Variants in PDZD8 observed in about 807,000 individuals in gnomAD.
PDZD8 encodes PDZ domain containing 8.
In PDZD8, 14 loss-of-function variants were observed where a neutral mutation model predicts 85.8. That is an observed-to-expected ratio of 0.16 (90% CI 0.11 to 0.26). The LOEUF is 0.26. Ranked by LOEUF, PDZD8 falls within the 10% of genes least tolerant of loss-of-function variation. PDZD8 has a pLI of 1.00. For synonymous variants in PDZD8, 592 were observed against 568.6 expected, an observed-to-expected ratio of 1.04 and a Z score of -0.59; for missense variants, 1,197 against 1,424.3, an observed-to-expected ratio of 0.84 and a Z score of 2.57.
chr10:117,367,954 C>T (rs1845118811), intron 1 of PDZD8, among the ~76,000 whole-genome samples: 1 of 151,940 alleles, frequency 6.6e-6, no homozygotes, highest in East Asian at 1.9e-4. Context: ...TACGGTACCA[C>T]AGTAATCAGG....
intron 1 of PDZD8, among the ~76,000 whole-genome samples, chr10:117,351,604 T>C (rs1297353642): frequency 6.6e-6 from 1 of 152,216 alleles, no homozygotes; most frequent in Non-Finnish European, 1.5e-5. Context: ...GTTCACTTTG[T>C]AGACATTCAT....
At chr10:117,294,961 G>A (rs1347484189) in intron 3 of PDZD8, among the ~76,000 whole-genome samples, 1 of 152,092 alleles carries the variant, frequency 6.6e-6, no homozygotes, top group Non-Finnish European at 1.5e-5. Flanking sequence ...AGTTAATAAT[G>A]TATTGTATAT....
In PDZD8 at chr10:117,304,602, G is replaced by C. The variant is rs112787571; in HGVS notation, c.1099-14254C>G. ...CTCCACCCAATTCTCATCTTGAATTGTATCTCCAAGAATTCCCATGTGTTG... is the reference window on the plus strand; with the variant it reads ...CTCCACCCAATTCTCATCTTGAATTCTATCTCCAAGAATTCCCATGTGTTG... On this transcript the variant is annotated intron_variant, in intron 3 of 4. Coordinates refer to ENST00000334464, the MANE Select transcript of PDZD8 (RefSeq NM_173791.5). 4.8e-3 allele frequency among the ~76,000 whole-genome samples: 725 copies of C among 152,258 alleles called. 11 individuals carry two copies. Among genetic ancestry groups the C allele is most frequent in the African/African-American group, 0.017 (697 of 41,560 alleles).
In PDZD8 at chr10:117,278,770, A is replaced by G. The variant is rs1029113741; in HGVS notation, c.*4498T>C. ...GAAGCTTTTCTGTGGGGCTTCGATT[A>G]TTTCAAGTCTGGTTTCTAAGTGCAG... On this transcript the variant is annotated 3_prime_UTR_variant, in exon 5 of 5. Coordinates refer to ENST00000334464, the MANE Select transcript of PDZD8 (RefSeq NM_173791.5). 6.6e-6 allele frequency: 1 copy of G among 152,188 alleles called. No individual in the cohort carries two copies. Among genetic ancestry groups the G allele is most frequent in the Non-Finnish European group, 1.5e-5 (1 of 68,026 alleles). 9.4% of individuals were successfully genotyped at this position (152,188 alleles called of 1,614,324 possible). A position where few individuals can be genotyped will look rare whatever the true frequency, so the allele number is the denominator to read the frequency against.
intron 2 of PDZD8, among the ~76,000 whole-genome samples, chr10:117,335,712 TA>T (rs1213969162): frequency 6.6e-6 from 1 of 152,216 alleles, no homozygotes; most frequent in African/African-American, 2.4e-5. Context: ...AAAACAAGTC[TA>T]AATAATTTAA....
At chr10:117,337,407 CAAAAA>C (rs903963483) in intron 2 of PDZD8, among the ~76,000 whole-genome samples, 3 of 152,062 alleles carry the variant, frequency 2.0e-5, no homozygotes, top group Non-Finnish European at 4.4e-5. Context: ...TTCATCAACT[CAAAAA>C]AACATGCAAT....
chr10:117,277,872 C>T lies in PDZD8; in HGVS notation c.*5396G>A, dbSNP rs944454570. 6.6e-6 allele frequency: 1 copy of T among 152,184 alleles called. No homozygotes were observed. Among genetic ancestry groups the T allele is most frequent in the African/African-American group, 2.4e-5 (1 of 41,456 alleles). The allele number at this position is 152,184 out of a possible 1,614,324, so 9.4% of individuals were successfully genotyped here. On this transcript the variant is annotated 3_prime_UTR_variant, in exon 5 of 5. Transcript: ENST00000334464. ...ATAAATCTTAGCTGGCATTAGTTTTCTATGTAATCACCTACCTAGAGAGAG... is the reference window on the plus strand; with the variant it reads ...ATAAATCTTAGCTGGCATTAGTTTTTTATGTAATCACCTACCTAGAGAGAG...
rs1845284981 is a variant in PDZD8, at chr10:117,375,296, C to A, written c.-69G>T. ...CGCCGCTTTCTTCACGCCGCCGCCC[C>A]CGCTGCCTCCATTTTGAGGACATCG... On this transcript the variant is annotated 5_prime_UTR_variant, in exon 1 of 5. Coordinates refer to ENST00000334464, the MANE Select transcript of PDZD8 (RefSeq NM_173791.5). 12 of 1,355,350 alleles carry A rather than the reference C, an allele frequency of 8.9e-6. No individual in the cohort carries two copies. The highest frequency in any genetic ancestry group is 1.2e-5 in the Non-Finnish European group (12 of 1,035,052). 84.0% of individuals were successfully genotyped at this position (1,355,350 alleles called of 1,614,324 possible). A position where few individuals can be genotyped will look rare whatever the true frequency, so the allele number is the denominator to read the frequency against.
chr10:117,306,208 G>A (rs1315533655), intron 3 of PDZD8, among the ~76,000 whole-genome samples: 1 of 152,090 alleles, frequency 6.6e-6, no homozygotes, highest in Non-Finnish European at 1.5e-5. Context: ...TCATCTAAGA[G>A]ACAACAAAGA....
chr10:117,329,506 C>T (rs1025316641), intron 2 of PDZD8, among the ~76,000 whole-genome samples: 1 of 151,974 alleles, frequency 6.6e-6, no homozygotes, highest in Non-Finnish European at 1.5e-5. Flanking sequence ...TTGGCGATGA[C>T]GTTGAGCAGT....
In PDZD8 at chr10:117,374,332, C is replaced by A. The variant is rs191667399; in HGVS notation, c.872+24G>T. 4.3e-3 allele frequency: 6,951 copies of A among 1,606,424 alleles called. 26 individuals carry two copies. Among genetic ancestry groups the A allele is most frequent in the Non-Finnish European group, 5.0e-3 (5,907 of 1,174,820 alleles). ...CAGGCCCGGGTTCCCGGCAGCCAGG[C>A]CCCCTCCCCGACCTCCAGCTCACCT... On this transcript the variant is annotated intron_variant, in intron 1 of 4. Coordinates refer to ENST00000334464, the MANE Select transcript of PDZD8 (RefSeq NM_173791.5). The surrounding 1 kb of genome is among the most constrained non-coding windows in gnomAD (Gnocchi z 7.8).
chr10:117,305,224 C>T (rs1474316200), intron 3 of PDZD8, among the ~76,000 whole-genome samples: 5 of 151,950 alleles, frequency 3.3e-5, no homozygotes, highest in Admixed American at 3.3e-4. Context: ...ACCAGCCTGG[C>T]CAATATGCTA....
chr10:117,351,005 T>C (rs1206896046), intron 1 of PDZD8, among the ~76,000 whole-genome samples: 1 of 152,188 alleles, frequency 6.6e-6, no homozygotes, highest in Non-Finnish European at 1.5e-5. Context: ...TCATAAGTTC[T>C]TCTGTTTTGA....
intron 3 of PDZD8, among the ~76,000 whole-genome samples, chr10:117,300,772 G>A (rs534187325): frequency 5.3e-5 from 8 of 152,108 alleles, no homozygotes; most frequent in Non-Finnish European, 1.2e-4. Context: ...AAAGAAGCCT[G>A]AGAGAACACC....
intron 1 of PDZD8, among the ~76,000 whole-genome samples, chr10:117,361,102 A>G (rs1404826868): frequency 6.6e-6 from 1 of 152,204 alleles, no homozygotes; most frequent in East Asian, 1.9e-4. Flanking sequence ...GCGAGAGAAC[A>G]AGGGTGAGAA....
chr10:117,345,258 C>T (rs1381652578), intron 1 of PDZD8, among the ~76,000 whole-genome samples: 2 of 152,084 alleles, frequency 1.3e-5, no homozygotes, highest in East Asian at 3.9e-4. Context: ...ACATGTCTTC[C>T]TTCATGGATT....
At chr10:117,366,875 T>C (rs1016931144) in intron 1 of PDZD8, among the ~76,000 whole-genome samples, 1 of 152,188 alleles carries the variant, frequency 6.6e-6, no homozygotes, top group African/African-American at 2.4e-5. Context: ...GTTTTAACTA[T>C]TGAGATTGCA....
chr10:117,295,460 A>G (rs1280751912), intron 3 of PDZD8, among the ~76,000 whole-genome samples: 1 of 151,478 alleles, frequency 6.6e-6, no homozygotes, highest in East Asian at 2.0e-4. Flanking sequence ...GGTTATATCA[A>G]TTATATACAT....
At chr10:117,359,103 A>G (rs917900545) in intron 1 of PDZD8, among the ~76,000 whole-genome samples, 1 of 152,062 alleles carries the variant, frequency 6.6e-6, no homozygotes, top group Non-Finnish European at 1.5e-5. Context: ...TCATTTGTTA[A>G]GTGCAAGAGA....
Sources: allele counts gnomAD v4.1 joint callset (sites outside exome capture counted in the v4.1 genomes callset), GRCh38; gene constraint gnomAD v4.1.1; non-coding constraint Gnocchi (gnomAD v3.1); transcripts MANE v1.5; gene names NCBI Gene and HGNC (gene_info 2026-07-23, HGNC 2026-07-21).